Variants in THSD7B observed in about 807,000 individuals in gnomAD.
The protein encoded by THSD7B is thrombospondin type-1 domain-containing protein 7B.
Under a neutral mutation model 213.6 loss-of-function variants are expected in THSD7B, and 138 were observed. The observed-to-expected ratio is 0.65, with a 90% confidence interval of 0.56 to 0.74. The LOEUF (loss-of-function observed/expected upper bound fraction) is 0.74. Among genes scored for constraint, THSD7B ranks in the 30% least tolerant of loss-of-function variants. The probability of loss-of-function intolerance (pLI) is 0.00; values close to 1 mark genes in which losing one functional copy is unlikely to be tolerated. For missense variants in THSD7B, 1,931 were observed against 1,991.5 expected (o/e 0.97, Z 0.58); for synonymous variants, 742 against 687.0 (o/e 1.08, Z -1.25).
chr2:137,491,678 C>T (rs1679404687), intron 15 of THSD7B, among the ~76,000 whole-genome samples: 1 of 152,196 alleles, frequency 6.6e-6, no homozygotes, highest in Non-Finnish European at 1.5e-5. Flanking sequence ...TTGGCCACAA[C>T]TCTGAGCCAA....
chr2:137,111,880 G>A (rs1341760103), intron 4 of THSD7B, among the ~76,000 whole-genome samples: 3 of 152,136 alleles, frequency 2.0e-5, no homozygotes, highest in African/African-American at 7.2e-5. Context: ...GAGGTAGGAC[G>A]CCGGCCTTTG....
chr2:136,971,518 T>C (rs1685402850), intron 2 of THSD7B, among the ~76,000 whole-genome samples: 1 of 151,884 alleles, frequency 6.6e-6, no homozygotes, highest in Admixed American at 6.6e-5. Context: ...AAAGCATGTT[T>C]TTAATACCAA....
chr2:137,237,654 C>G (rs1454386956), intron 9 of THSD7B, among the ~76,000 whole-genome samples: 1 of 152,150 alleles, frequency 6.6e-6, no homozygotes, highest in Non-Finnish European at 1.5e-5. Context: ...TACAGTGATA[C>G]AGAAAACCAA....
chr2:137,538,434 A>G, intron 15 of THSD7B: 1 of 500,026 alleles, frequency 2.0e-6, no homozygotes, highest in Non-Finnish European at 3.9e-6. Context: ...TAATGCATAT[A>G]TAATTTTCTT....
rs1053443726 is a variant in THSD7B, at chr2:137,160,475, A to G, written c.1525+107A>G. 20 of 1,405,006 alleles carry G rather than the reference A, an allele frequency of 1.4e-5. No homozygotes were observed. In the Admixed American group the frequency reaches 5.0e-4, roughly 35 times the overall value. The allele number at this position is 1,405,006 out of a possible 1,614,324, so 87.0% of individuals were successfully genotyped here. A position where few individuals can be genotyped will look rare whatever the true frequency, so the allele number is the denominator to read the frequency against. On this transcript the variant is annotated intron_variant, in intron 6 of 27. Transcript: ENST00000409968. ...GCTTAAGACAATATTTGTTTGTAAA[A>G]TTTAGATAACCAGCTCAAGCCTAAC...
chr2:137,636,468 T>C (rs1038284030), intron 20 of THSD7B, among the ~76,000 whole-genome samples: 1 of 152,270 alleles, frequency 6.6e-6, no homozygotes, highest in African/African-American at 2.4e-5. Flanking sequence ...ATTTATTATT[T>C]GTCCTAATAA....
intron 14 of THSD7B, among the ~76,000 whole-genome samples, chr2:137,436,369 A>G (rs1203426654): frequency 6.6e-6 from 1 of 152,194 alleles, no homozygotes; most frequent in Non-Finnish European, 1.5e-5. Flanking sequence ...AAGGAAATCA[A>G]GGAACAGATA....
chr2:137,622,284 T>G (rs909831131), intron 20 of THSD7B, among the ~76,000 whole-genome samples: 7 of 152,180 alleles, frequency 4.6e-5, no homozygotes, highest in African/African-American at 1.7e-4. Context: ...CAGTAACAAC[T>G]TAGAAGCCCA....
intron 15 of THSD7B, among the ~76,000 whole-genome samples, chr2:137,451,326 A>G (rs546146890): frequency 1.3e-4 from 19 of 151,686 alleles, no homozygotes; most frequent in South Asian, 2.1e-4. Flanking sequence ...GGATATATAT[A>G]TGTGTGTATA....
At chr2:137,086,130 T>G (rs955775545) in intron 3 of THSD7B, among the ~76,000 whole-genome samples, 1 of 152,102 alleles carries the variant, frequency 6.6e-6, no homozygotes, top group African/African-American at 2.4e-5. Flanking sequence ...GTGGGTCACC[T>G]GAGGTCAGGA....
At chr2:136,854,466 A>G (rs549008241) in intron 1 of THSD7B, among the ~76,000 whole-genome samples, 1 of 150,744 alleles carries the variant, frequency 6.6e-6, no homozygotes, top group South Asian at 2.1e-4. Context: ...CTTTCTAACC[A>G]CCCCGCACTC....
At chr2:137,378,061 A>G (rs1685698693) in intron 12 of THSD7B, among the ~76,000 whole-genome samples, 1 of 152,232 alleles carries the variant, frequency 6.6e-6, no homozygotes, top group Non-Finnish European at 1.5e-5. Context: ...AATTATTTTT[A>G]ATGGAAGAAA....
At chr2:137,451,684 A>G (rs965473442) in intron 15 of THSD7B, among the ~76,000 whole-genome samples, 2 of 152,110 alleles carry the variant, frequency 1.3e-5, no homozygotes, top group African/African-American at 4.8e-5. Context: ...CTTTGTATAT[A>G]TAACAGAGTC....
intron 17 of THSD7B, among the ~76,000 whole-genome samples, chr2:137,590,991 T>A (rs1010261399): frequency 2.0e-5 from 3 of 151,804 alleles, no homozygotes; most frequent in Non-Finnish European, 4.4e-5. Flanking sequence ...TTTTATTTTT[T>A]ATTTTTTCTG....
At chr2:137,331,234 T>C (rs531604700) in intron 12 of THSD7B, among the ~76,000 whole-genome samples, 1 of 150,336 alleles carries the variant, frequency 6.7e-6, no homozygotes, top group South Asian at 2.1e-4. Context: ...ATAAAGGTAC[T>C]CCAAGGCCCC....
At chr2:137,400,755 A>C (rs1390526356) in intron 12 of THSD7B, among the ~76,000 whole-genome samples, 35 of 152,196 alleles carry the variant, frequency 2.3e-4, no homozygotes, top group Admixed American at 2.0e-3. Context: ...GGTAGGATTT[A>C]TGCCCAACCT....
At chr2:137,250,335 A>G (rs958201060) in intron 10 of THSD7B, among the ~76,000 whole-genome samples, 1 of 152,176 alleles carries the variant, frequency 6.6e-6, no homozygotes, top group Non-Finnish European at 1.5e-5. Context: ...GGAATGATTA[A>G]ATCAAGCTAA....
Position 137,663,482 on chromosome 2 carries a change from G to A in THSD7B, c.4558G>A (p.Ala1520Thr). The change falls in exon 26 of 28, where the codon GCT becomes ACT. Residue 1520 changes from alanine to threonine, a missense_variant. Coordinates refer to ENST00000409968, the MANE Select transcript of THSD7B (RefSeq NM_001316349.2). ...AGTACCAGGCTCAGAGGATAAAAAA[G>A]CTGATGTGAAAAACCTTTCTGGGAA... ...MKVPGSEDKK[A>T]DVKNLSGKNR... is the part of the protein sequence containing the mutation. 1.2e-6 allele frequency: 2 copies of A among 1,603,092 alleles called. No individual in the cohort carries two copies. Among genetic ancestry groups the A allele is most frequent in the Admixed American group, 1.7e-5 (1 of 58,574 alleles).
chr2:137,506,215 A>T (rs897612706), intron 15 of THSD7B, among the ~76,000 whole-genome samples: 1 of 152,158 alleles, frequency 6.6e-6, no homozygotes, highest in African/African-American at 2.4e-5. Context: ...CACATTACAG[A>T]AGCTAGAATG....
Sources: gnomAD v4.1 joint callset for allele counts (sites outside exome capture counted in the v4.1 genomes callset) on GRCh38, gnomAD v4.1.1 for gene constraint, MANE v1.5 for transcripts, NCBI Gene and HGNC (gene_info 2026-07-23, HGNC 2026-07-21) for gene names.